Variants in KYNU observed in about 807,000 individuals in gnomAD.
KYNU encodes the protein L-kynurenine hydrolase.
KYNU carries 54 observed loss-of-function variants against 59.2 expected under a neutral mutation model. The observed-to-expected ratio is 0.91, with a 90% CI of 0.73 to 1.14. KYNU has a LOEUF of 1.14. Ranked by LOEUF, KYNU falls within the 50% of genes most tolerant of loss-of-function variation. The probability of loss-of-function intolerance (pLI) is 0.00; values close to 1 mark genes in which losing one functional copy is unlikely to be tolerated. For missense variants in KYNU, 567 were observed against 554.4 expected (o/e 1.02, Z -0.23); for synonymous variants, 177 against 192.0 (o/e 0.92, Z 0.65).
At chr2:142,946,969 T>G in intron 4 of KYNU, 1 of 1,379,028 alleles carries the variant, frequency 7.3e-7, no homozygotes, top group African/African-American at 1.4e-5. Context: ...TTGTACTTTT[T>G]GTATTTCAAA....
chr2:143,006,990 C>A (rs564695953), intron 10 of KYNU, among the ~76,000 whole-genome samples: 6 of 152,102 alleles, frequency 3.9e-5, no homozygotes, highest in African/African-American at 1.2e-4. Context: ...AACTCTAAAA[C>A]GCAGAGCGTC....
intron 10 of KYNU, among the ~76,000 whole-genome samples, chr2:142,995,294 A>C (rs1198355467): frequency 6.6e-6 from 1 of 152,092 alleles, no homozygotes; most frequent in African/African-American, 2.4e-5. Context: ...CTTTTTTATG[A>C]CTATGCTTAT....
chr2:143,012,041 T>C (rs1470081218), intron 10 of KYNU, among the ~76,000 whole-genome samples: 1 of 143,046 alleles, frequency 7.0e-6, no homozygotes, highest in East Asian at 2.2e-4. Context: ...TGTGCACATA[T>C]ACCCTAAAAC....
At chr2:143,028,989 G>A (rs867245934) in intron 10 of KYNU, among the ~76,000 whole-genome samples, 1 of 151,984 alleles carries the variant, frequency 6.6e-6, no homozygotes, top group African/African-American at 2.4e-5. Flanking sequence ...TGAAAATATT[G>A]TATTAATTGT....
chr2:142,976,035 A>C (rs1485407476), intron 8 of KYNU, among the ~76,000 whole-genome samples: 1 of 152,192 alleles, frequency 6.6e-6, no homozygotes, highest in African/African-American at 2.4e-5. Flanking sequence ...GGAATTTACC[A>C]CGACAGTCAT....
chr2:142,911,463 G>T (rs994493548), intron 2 of KYNU, among the ~76,000 whole-genome samples: 6 of 152,108 alleles, frequency 3.9e-5, no homozygotes, highest in African/African-American at 1.4e-4. Context: ...AATTTTGGTG[G>T]AGTCTTTAGG....
rs969062040 is a variant in KYNU at position 143,049,301 on chromosome 2, G to A, written c.*7129G>A. On this transcript the variant is annotated 3_prime_UTR_variant, in exon 14 of 14. Transcript: ENST00000264170. ...TTTGTGATCTTTCGAATGTGCTTCT[G>A]CTTTAGGCATTAGTAGTGGACATTC... 1 of 152,064 alleles carries A rather than the reference G, an allele frequency of 6.6e-6. No individual in the cohort carries two copies. The highest frequency in any genetic ancestry group is 1.5e-5 in the Non-Finnish European group (1 of 68,014). The allele number at this position is 152,064 out of a possible 1,614,324, so 9.4% of individuals were successfully genotyped here.
At chr2:142,952,277 T>A (rs1684017262) in intron 4 of KYNU, among the ~76,000 whole-genome samples, 1 of 152,132 alleles carries the variant, frequency 6.6e-6, no homozygotes, top group South Asian at 2.1e-4. Flanking sequence ...GGTCTCACCA[T>A]GTTGCCCAGG....
rs58268845 is a variant in KYNU at position 142,964,119 on chromosome 2, GT to G, written c.729+3359del. ...GCAGTACCTAGCAGTACTTTTGTTT[GT>G]TTTTTTTTTCTATTTCAGTGTATTT... On this transcript the variant is annotated intron_variant, in intron 8 of 13. Transcript: ENST00000264170. Among the ~76,000 whole-genome samples the G allele has an allele frequency of 2.9e-3, 418 of 144,540 alleles. 3 individuals carry two copies. The highest frequency in any genetic ancestry group is 9.4e-3 in the African/African-American group (376 of 39,850). 94.8% of individuals were successfully genotyped at this position (144,540 alleles called of 152,430 possible). A position where few individuals can be genotyped will look rare whatever the true frequency, so the allele number is the denominator to read the frequency against.
At position 143,050,092 on chromosome 2, in the gene KYNU, A is replaced by G. The variant is rs966420202; in HGVS notation, c.*7920A>G. On this transcript the variant is annotated 3_prime_UTR_variant, in exon 14 of 14. Coordinates refer to ENST00000264170, the MANE Select transcript of KYNU (RefSeq NM_003937.3). ...TATAATACAGTATAAAATCTATTTTATGTAAAATCTATTTTATGTAAACAT... is the reference window on the plus strand; with the variant it reads ...TATAATACAGTATAAAATCTATTTTGTGTAAAATCTATTTTATGTAAACAT... 2 of 148,198 alleles carry G rather than the reference A, an allele frequency of 1.3e-5. No individual in the cohort carries two copies. Among genetic ancestry groups the G allele is most frequent in the African/African-American group, 4.9e-5 (2 of 40,940 alleles). The allele number at this position is 148,198 out of a possible 1,614,324, so 9.2% of individuals were successfully genotyped here.
chr2:142,928,091 T>C (rs1683100829), intron 4 of KYNU, among the ~76,000 whole-genome samples: 1 of 152,200 alleles, frequency 6.6e-6, no homozygotes, highest in Non-Finnish European at 1.5e-5. Context: ...TTTAACTATT[T>C]GATATAATGA....
At position 143,043,043 on chromosome 2, in the gene KYNU, A is replaced by T. The variant is rs150917323; in HGVS notation, c.*871A>T. Reference sequence around the variant, plus strand: ...ATAAGAAATGTTGGAAACTCATTATATTGATTTCCTTACCCACTCATGGGC... The same window carrying T: ...ATAAGAAATGTTGGAAACTCATTATTTTGATTTCCTTACCCACTCATGGGC... On this transcript the variant is annotated 3_prime_UTR_variant, in exon 14 of 14. Transcript: ENST00000264170. 1 of 152,060 alleles carries T rather than the reference A, an allele frequency of 6.6e-6. No homozygotes were observed. Among genetic ancestry groups the T allele is most frequent in the African/African-American group, 2.4e-5 (1 of 41,554 alleles). 9.4% of individuals were successfully genotyped at this position (152,060 alleles called of 1,614,324 possible). A position where few individuals can be genotyped will look rare whatever the true frequency, so the allele number is the denominator to read the frequency against.
chr2:142,892,290 G>A (rs1284319606), intron 2 of KYNU, among the ~76,000 whole-genome samples: 1 of 152,116 alleles, frequency 6.6e-6, no homozygotes, highest in East Asian at 1.9e-4. Context: ...CATTTGCATT[G>A]GACTGTCTGC....
In KYNU at chr2:142,981,206, G is replaced by T. The variant is rs535299184; in HGVS notation, c.730-3878G>T. Among the ~76,000 whole-genome samples, 11 of 152,204 alleles carry T rather than the reference G, an allele frequency of 7.2e-5. No homozygotes were observed. In the East Asian group the frequency reaches 1.9e-3, roughly 27 times the overall value. ...TCATAATGGGATATTGTACATAAAGGTTTGTGGTTTCTTCAGTGTGCCATT... is the reference window on the plus strand; with the variant it reads ...TCATAATGGGATATTGTACATAAAGTTTTGTGGTTTCTTCAGTGTGCCATT... On this transcript the variant is annotated intron_variant, in intron 8 of 13. Transcript: ENST00000264170.
chr2:142,943,079 T>C, intron 4 of KYNU, among the ~76,000 whole-genome samples: 1 of 151,798 alleles, frequency 6.6e-6, no homozygotes, highest in East Asian at 1.9e-4. Context: ...CAGGTTTTTT[T>C]CTATCTTTTG....
rs6743085 is a variant in KYNU, at chr2:142,960,626, G to A, written c.585G>A (p.Gly195=). The A allele has an allele frequency of 1.0e-3, 1,613 of 1,613,132 alleles. 15 individuals are homozygous for A. In the African/African-American group the frequency reaches 0.019, roughly 19 times the overall value. ...AACTTGTGCCTAACTTGATTTAGGGGGAAGAAACCTTAAGAATAGAGGATA... is the reference window on the plus strand; with the variant it reads ...AACTTGTGCCTAACTTGATTTAGGGAGAAGAAACCTTAAGAATAGAGGATA... ...ESMRMIKPRE[G]EETLRIEDIL... Residue 195 remains glycine (G), a splice_region_variant and synonymous_variant, in exon 8 of 14, where the codon GGG becomes GGA. Transcript: ENST00000264170.
intron 8 of KYNU, among the ~76,000 whole-genome samples, chr2:142,984,102 G>A (rs1476920353): frequency 6.6e-6 from 1 of 151,932 alleles, no homozygotes; most frequent in African/African-American, 2.4e-5. Context: ...TGAACTTTCT[G>A]TACTTTATTA....
At chr2:142,996,149 T>G (rs1456384217) in intron 10 of KYNU, among the ~76,000 whole-genome samples, 2 of 152,022 alleles carry the variant, frequency 1.3e-5, no homozygotes, top group Non-Finnish European at 2.9e-5. Context: ...GACCTTACTT[T>G]CTTGAAGACG....
At chr2:142,936,725 C>T (rs915491139) in intron 4 of KYNU, among the ~76,000 whole-genome samples, 5 of 152,120 alleles carry the variant, frequency 3.3e-5, no homozygotes, top group Admixed American at 2.0e-4. Context: ...ACAGAGCTCC[C>T]AGGAAACTTA....
Sources: allele counts gnomAD v4.1 joint callset (sites outside exome capture counted in the v4.1 genomes callset), GRCh38; gene constraint gnomAD v4.1.1; transcripts MANE v1.5; gene names NCBI Gene and HGNC (gene_info 2026-07-23, HGNC 2026-07-21).